STK32A: variants seen among roughly 807,000 people sequenced by gnomAD.
The protein encoded by STK32A is serine/threonine-protein kinase 32A.
STK32A carries 41 observed loss-of-function variants against 53.2 expected under a neutral mutation model. The ratio of observed to expected loss-of-function variants is 0.77; its 90% confidence interval spans 0.60 to 1.00. The LOEUF is 1.00. Ranked by LOEUF, STK32A falls within the 50% of genes least tolerant of loss-of-function variation. The probability of loss-of-function intolerance (pLI) is 0.00; values close to 1 mark genes in which losing one functional copy is unlikely to be tolerated. For synonymous variants in STK32A, 166 were observed against 162.8 expected (o/e 1.02, Z -0.15); for missense variants, 458 against 485.8 (o/e 0.94, Z 0.54).
At chr5:147,328,894 T>C (rs55734853) in intron 5 of STK32A, among the ~76,000 whole-genome samples, 5,437 of 152,236 alleles carry the variant, frequency 0.036, 351 homozygotes, top group African/African-American at 0.12. Flanking sequence ...TGAGATGGAT[T>C]GTATGGGACA....
chr5:147,329,274 A>G (rs1754747524), intron 5 of STK32A, among the ~76,000 whole-genome samples: 1 of 152,184 alleles, frequency 6.6e-6, no homozygotes, highest in South Asian at 2.1e-4. Context: ...GCAGATAGAA[A>G]TTATTTCTCA....
chr5:147,373,122 T>C (rs1351401313), intron 9 of STK32A, 47 bp from the exon 10 acceptor site: 12 of 1,597,226 alleles, frequency 7.5e-6, no homozygotes, highest in Non-Finnish European at 1.0e-5. Context: ...TTTTTTTTTG[T>C]CCTTCTATCC....
At chr5:147,293,037 G>A (rs562553300) in intron 4 of STK32A, among the ~76,000 whole-genome samples, 3 of 152,214 alleles carry the variant, frequency 2.0e-5, no homozygotes, top group East Asian at 1.9e-4. Context: ...ACTTGTATTC[G>A]AGAGTACTTC....
chr5:147,338,346 A>G (rs749877480), intron 5 of STK32A, among the ~76,000 whole-genome samples: 13 of 152,152 alleles, frequency 8.5e-5, no homozygotes, highest in South Asian at 2.1e-4. Flanking sequence ...ACCTTCTGCC[A>G]TGATTGTGAG....
chr5:147,307,569 C>T (rs537374190), intron 4 of STK32A, among the ~76,000 whole-genome samples: 315 of 148,252 alleles, frequency 2.1e-3, no homozygotes, highest in Non-Finnish European at 3.7e-3. Context: ...TTGCAGTGTG[C>T]CGAGATCATG....
intron 5 of STK32A, among the ~76,000 whole-genome samples, chr5:147,339,039 C>T (rs1279955818): frequency 6.6e-6 from 1 of 152,172 alleles, no homozygotes; most frequent in African/African-American, 2.4e-5. Flanking sequence ...CGGAAATTTG[C>T]ATCAGTAATG....
the STK32A span, among the ~76,000 whole-genome samples, chr5:147,398,876 G>A: frequency 6.6e-6 from 1 of 152,200 alleles, no homozygotes; most frequent in Admixed American, 6.5e-5. Flanking sequence ...CTGTCCCTGA[G>A]TGACTGGAAT....
intron 7 of STK32A, among the ~76,000 whole-genome samples, chr5:147,358,047 C>G (rs927693194): frequency 6.6e-6 from 1 of 151,828 alleles, no homozygotes; most frequent in Admixed American, 6.6e-5. Context: ...TTGTAAAGTT[C>G]CATGAATTAA....
chr5:147,382,384 A>G (rs567392296), intron 11 of STK32A, among the ~76,000 whole-genome samples: 10 of 151,736 alleles, frequency 6.6e-5, no homozygotes, highest in Admixed American at 6.6e-4. Context: ...CATCTTTAAG[A>G]TAGTTGTTTT....
chr5:147,251,066 A>G (rs565766671), intron 2 of STK32A, among the ~76,000 whole-genome samples: 1 of 152,190 alleles, frequency 6.6e-6, no homozygotes, highest in Non-Finnish European at 1.5e-5. Context: ...GCTAAATGTA[A>G]TATAATGGAT....
At chr5:147,352,204 T>C (rs550818671) in intron 7 of STK32A, among the ~76,000 whole-genome samples, 3 of 152,314 alleles carry the variant, frequency 2.0e-5, no homozygotes, top group African/African-American at 7.2e-5. Context: ...AAAGTGAGAC[T>C]CTGTCTCTAA....
intron 7 of STK32A, among the ~76,000 whole-genome samples, chr5:147,356,248 A>G (rs965789415): frequency 2.6e-5 from 4 of 152,210 alleles, no homozygotes; most frequent in Non-Finnish European, 5.9e-5. Context: ...TGATGAAGGT[A>G]GAATGTCTGA....
At chr5:147,300,174 T>C (rs1561703607) in intron 4 of STK32A, among the ~76,000 whole-genome samples, 1 of 152,232 alleles carries the variant, frequency 6.6e-6, no homozygotes, top group African/African-American at 2.4e-5. Context: ...ACATATATTA[T>C]CTCATTTATT....
chr5:147,279,915 G>A (rs1217808621), intron 4 of STK32A, among the ~76,000 whole-genome samples: 1 of 152,132 alleles, frequency 6.6e-6, no homozygotes, highest in African/African-American at 2.4e-5. Flanking sequence ...GCAGGACCCA[G>A]GCAACTCCCC....
At chr5:147,330,502 G>A (rs757719161) in intron 5 of STK32A, among the ~76,000 whole-genome samples, 1 of 152,188 alleles carries the variant, frequency 6.6e-6, no homozygotes, top group African/African-American at 2.4e-5. Flanking sequence ...CCAAAAGCTG[G>A]GAATCCTGGG....
chr5:147,245,069 C>T (rs1019913542), intron 2 of STK32A, among the ~76,000 whole-genome samples: 1 of 152,170 alleles, frequency 6.6e-6, no homozygotes, highest in African/African-American at 2.4e-5. Flanking sequence ...TCTGTTAAAA[C>T]CTATATAAAA....
intron 4 of STK32A, among the ~76,000 whole-genome samples, chr5:147,294,290 A>G (rs1418623727): frequency 6.6e-6 from 1 of 152,150 alleles, no homozygotes; most frequent in African/African-American, 2.4e-5. Context: ...TTTGAGACAG[A>G]GTCTCACTCT....
At chr5:147,347,334 A>T (rs367985494) in intron 6 of STK32A, among the ~76,000 whole-genome samples, 1 of 150,536 alleles carries the variant, frequency 6.6e-6, no homozygotes, top group South Asian at 2.1e-4. Context: ...AAAAAAAAAA[A>T]GGCAGAAACC....
At chr5:147,282,766 C>G (rs919404951) in intron 4 of STK32A, among the ~76,000 whole-genome samples, 1 of 152,132 alleles carries the variant, frequency 6.6e-6, no homozygotes, top group African/African-American at 2.4e-5. Flanking sequence ...CATATAAGCA[C>G]CTAACACTGG....
Sources: allele counts gnomAD v4.1 joint callset (sites outside exome capture counted in the v4.1 genomes callset), GRCh38; gene constraint gnomAD v4.1.1; transcripts MANE v1.5; gene names NCBI Gene and HGNC (gene_info 2026-07-23, HGNC 2026-07-21).